PIK3C2G: variants seen among roughly 807,000 people sequenced by gnomAD.
PIK3C2G encodes the protein phosphatidylinositol 3-kinase C2 domain-containing subunit gamma.
In PIK3C2G, 168 loss-of-function variants were observed where a neutral mutation model predicts 181.1. The observed-to-expected ratio is 0.93, with a 90% CI of 0.82 to 1.05. The LOEUF is 1.05. Ranked by LOEUF, PIK3C2G falls within the 50% of genes least tolerant of loss-of-function variation. The pLI is 0.00. For synonymous variants in PIK3C2G, 573 were observed against 592.2 expected, an observed-to-expected ratio of 0.97 and a Z score of 0.47; for missense variants, 1,869 against 1,732.8, an observed-to-expected ratio of 1.08 and a Z score of -1.40.
chr12:18,499,835 A>G (rs1941287362), intron 22 of PIK3C2G, among the ~76,000 whole-genome samples: 2 of 152,274 alleles, frequency 1.3e-5, no homozygotes, highest in South Asian at 4.1e-4. Context: ...ACAGACCCAC[A>G]GCACTGACAT....
chr12:18,280,506 T>C (rs953668177), intron 1 of PIK3C2G, among the ~76,000 whole-genome samples: 1 of 151,964 alleles, frequency 6.6e-6, no homozygotes, highest in Non-Finnish European at 1.5e-5. Context: ...AAAATGTCAG[T>C]TATCAAAAAT....
intron 19 of PIK3C2G, among the ~76,000 whole-genome samples, chr12:18,490,083 T>C (rs1940415668): frequency 6.6e-6 from 1 of 152,124 alleles, no homozygotes; most frequent in African/African-American, 2.4e-5. Context: ...CTTTTGTACT[T>C]AAAAAAGCAC....
chr12:18,692,673 A>C, the PIK3C2G span: 2 of 674,732 alleles, frequency 3.0e-6, no homozygotes, highest in Non-Finnish European at 5.0e-6. Flanking sequence ...TCATTTCTAC[A>C]TTGAAATCAG....
chr12:18,491,583 A>C (rs772063240), intron 20 of PIK3C2G, 25 bp downstream of exon 20: 2 of 1,255,634 alleles, frequency 1.6e-6, no homozygotes, highest in Non-Finnish European at 2.3e-6. Flanking sequence ...TCCTCAGATT[A>C]ATGGAATATT....
intron 8 of PIK3C2G, among the ~76,000 whole-genome samples, chr12:18,337,255 C>A (rs929086499): frequency 6.6e-6 from 1 of 151,998 alleles, no homozygotes; most frequent in African/African-American, 2.4e-5. Flanking sequence ...AGAATAAGGT[C>A]AAAACAGAGA....
chr12:18,683,236 C>T, the PIK3C2G span: 2 of 1,611,180 alleles, frequency 1.2e-6, no homozygotes, highest in Non-Finnish European at 1.7e-6. Flanking sequence ...TTATCATTAG[C>T]TGTTATCTGA....
chr12:18,574,070 T>C lies in PIK3C2G; in HGVS notation c.4011+7013T>C, dbSNP rs899883503. ...TGCTAAAAGGAGCTCTAATTTTCTT[T>C]ACTGTTAGGTTCTCATATCATCATC... On this transcript the variant is annotated intron_variant, in intron 29 of 32. Transcript: ENST00000538779. 7.2e-5 allele frequency among the ~76,000 whole-genome samples: 11 copies of C among 152,304 alleles called. No individual in the cohort carries two copies. In the South Asian group the frequency reaches 1.5e-3, roughly 20 times the overall value.
upstream of PIK3C2G, among the ~76,000 whole-genome samples, chr12:18,244,919 G>T (rs1034288355): frequency 6.6e-6 from 1 of 152,028 alleles, no homozygotes; most frequent in Non-Finnish European, 1.5e-5. Context: ...GTCAAAGATC[G>T]AGGTTATATT....
chr12:18,639,785 T>C (rs11044229), intron 31 of PIK3C2G, among the ~76,000 whole-genome samples: 41,766 of 151,998 alleles, frequency 0.27, 7,009 homozygotes, highest in East Asian at 0.55. Context: ...GATCCACCCA[T>C]TTAGCCATGC....
intron 18 of PIK3C2G, among the ~76,000 whole-genome samples, chr12:18,484,778 C>T (rs1464004229): frequency 6.6e-6 from 1 of 152,124 alleles, no homozygotes; most frequent in Non-Finnish European, 1.5e-5. Context: ...AATAGGCATG[C>T]TTTTCATTTC....
chr12:18,620,087 A>G (rs186505502), intron 31 of PIK3C2G, among the ~76,000 whole-genome samples: 128 of 152,274 alleles, frequency 8.4e-4, no homozygotes, highest in Non-Finnish European at 1.4e-3. Flanking sequence ...TTTGGTAAAT[A>G]TCCCATGTCC....
the PIK3C2G span, among the ~76,000 whole-genome samples, chr12:18,669,279 C>T: frequency 6.6e-6 from 1 of 152,170 alleles, no homozygotes; most frequent in African/African-American, 2.4e-5. Flanking sequence ...ATCCTCTTAA[C>T]CACTGCACTA....
At chr12:18,464,532 C>T (rs1032100587) in intron 18 of PIK3C2G, among the ~76,000 whole-genome samples, 5 of 152,098 alleles carry the variant, frequency 3.3e-5, no homozygotes, top group African/African-American at 1.2e-4. Context: ...ACTTTGACAA[C>T]TCCTATATGA....
At chr12:18,628,101 G>A (rs1245007159) in intron 31 of PIK3C2G, among the ~76,000 whole-genome samples, 1 of 152,014 alleles carries the variant, frequency 6.6e-6, no homozygotes, top group African/African-American at 2.4e-5. Context: ...AATCAATATA[G>A]GATCGTGATT....
chr12:18,475,061 C>T (rs181675795), intron 18 of PIK3C2G, among the ~76,000 whole-genome samples: 2 of 151,732 alleles, frequency 1.3e-5, no homozygotes, highest in African/African-American at 2.4e-5. Flanking sequence ...ACACAAGAAC[C>T]GAATGGTCCG....
chr12:18,705,521 C>T, the PIK3C2G span, among the ~76,000 whole-genome samples: 5 of 152,066 alleles, frequency 3.3e-5, no homozygotes, highest in African/African-American at 7.2e-5. Context: ...TTACTATTTG[C>T]ACCAAAAGAA....
chr12:18,610,413 A>G (rs1273307288), intron 31 of PIK3C2G, among the ~76,000 whole-genome samples: 2 of 152,106 alleles, frequency 1.3e-5, no homozygotes, highest in Admixed American at 6.6e-5. Flanking sequence ...ACTCTTCTCC[A>G]TATGACACAC....
At chr12:18,412,795 T>C (rs1480446694) in intron 16 of PIK3C2G, among the ~76,000 whole-genome samples, 1 of 152,168 alleles carries the variant, frequency 6.6e-6, no homozygotes, top group East Asian at 1.9e-4. Context: ...AAGGCCACTG[T>C]TGTACAACAA....
the PIK3C2G span, chr12:18,684,108 A>G: frequency 1.2e-6 from 2 of 1,609,538 alleles, no homozygotes; most frequent in Non-Finnish European, 1.7e-6. Context: ...TGGTACAATC[A>G]TCTAACTTTT....
Sources: allele counts gnomAD v4.1 joint callset (sites outside exome capture counted in the v4.1 genomes callset), GRCh38; gene constraint gnomAD v4.1.1; transcripts MANE v1.5; gene names NCBI Gene and HGNC (gene_info 2026-07-23, HGNC 2026-07-21).